Variants in RBM20 observed in about 807,000 individuals in gnomAD.
RBM20 encodes RNA binding motif protein 20.
In RBM20, 51 loss-of-function variants were observed where a neutral mutation model predicts 110.1. The observed-to-expected ratio is 0.46, with a 90% CI of 0.37 to 0.59. The LOEUF (loss-of-function observed/expected upper bound fraction) is 0.59. Ranked by LOEUF, RBM20 falls within the 20% of genes least tolerant of loss-of-function variation. The probability of loss-of-function intolerance (pLI) is 0.00; values close to 1 mark genes in which losing one functional copy is unlikely to be tolerated. For synonymous variants in RBM20, 589 were observed against 618.2 expected, an observed-to-expected ratio of 0.95 and a Z score of 0.70; for missense variants, 1,512 against 1,574.9, an observed-to-expected ratio of 0.96 and a Z score of 0.68.
At chr10:110,794,701 C>T (rs1438005004) in intron 5 of RBM20, among the ~76,000 whole-genome samples, 2 of 152,218 alleles carry the variant, frequency 1.3e-5, no homozygotes, top group Non-Finnish European at 2.9e-5. Flanking sequence ...AATCCAGCAT[C>T]TGTTTCTGAT....
intron 12 of RBM20, among the ~76,000 whole-genome samples, chr10:110,829,542 C>G (rs1312532780): frequency 3.9e-5 from 6 of 152,222 alleles, no homozygotes; most frequent in African/African-American, 1.4e-4. Context: ...AGGCAGGCCT[C>G]CTGGGCTCCC....
At chr10:110,679,975 C>A (rs1425730395) in intron 1 of RBM20, among the ~76,000 whole-genome samples, 2 of 152,180 alleles carry the variant, frequency 1.3e-5, no homozygotes, top group African/African-American at 4.8e-5. Flanking sequence ...CTGACACTGC[C>A]CCTTTTAACC....
chr10:110,750,397 G>T (rs544765212), intron 1 of RBM20, among the ~76,000 whole-genome samples: 1 of 152,246 alleles, frequency 6.6e-6, no homozygotes, highest in African/African-American at 2.4e-5. Flanking sequence ...AAACAAGAGG[G>T]TTGGACTGAT....
chr10:110,749,416 GA>G (rs1225807824), intron 1 of RBM20, among the ~76,000 whole-genome samples: 1 of 151,986 alleles, frequency 6.6e-6, no homozygotes, highest in Non-Finnish European at 1.5e-5. Flanking sequence ...AGGGTACCTA[GA>G]AAAAAATTAA....
At chr10:110,752,212 G>A (rs150987714) in intron 1 of RBM20, among the ~76,000 whole-genome samples, 448 of 152,150 alleles carry the variant, frequency 2.9e-3, no homozygotes, top group African/African-American at 0.011. Context: ...CCTTCTCCCC[G>A]CTAACCCCTG....
chr10:110,705,614 C>CA (rs1194244026), intron 1 of RBM20, among the ~76,000 whole-genome samples: 1 of 152,142 alleles, frequency 6.6e-6, no homozygotes, highest in Non-Finnish European at 1.5e-5. Context: ...AAGAGTTCTC[C>CA]AAATAAATTT....
At position 110,751,891 on chromosome 10, in the gene RBM20, GT is replaced by G. The variant is rs911868381; in HGVS notation, c.192-28902del. 1.7e-3 allele frequency among the ~76,000 whole-genome samples: 264 copies of G among 151,812 alleles called. 3 individuals are homozygous for G. Among genetic ancestry groups the G allele is most frequent in the Non-Finnish European group, 1.1e-3 (78 of 67,884 alleles). On this transcript the variant is annotated intron_variant, in intron 1 of 13. Coordinates refer to ENST00000369519, the MANE Select transcript of RBM20 (RefSeq NM_001134363.3). The stretch of plus-strand genomic sequence containing the variant: ...ACTTTTTTTTTCTTTCTGAAAGACT[GT>G]TTTTTTTAGAGCAGGTTCACAGCAA...
intron 1 of RBM20, among the ~76,000 whole-genome samples, chr10:110,661,531 A>T (rs1862101932): frequency 6.6e-6 from 1 of 152,208 alleles, no homozygotes; most frequent in South Asian, 2.1e-4. Flanking sequence ...ACATCCTCCC[A>T]ATACTATTCG....
chr10:110,786,268 G>A (rs1014631947), intron 5 of RBM20, among the ~76,000 whole-genome samples: 1 of 152,244 alleles, frequency 6.6e-6, no homozygotes, highest in Non-Finnish European at 1.5e-5. Flanking sequence ...CTTTTGTGGT[G>A]TGAGTTGCTG....
chr10:110,830,672 A>G (rs1845039663), intron 12 of RBM20, among the ~76,000 whole-genome samples: 1 of 152,234 alleles, frequency 6.6e-6, no homozygotes, highest in African/African-American at 2.4e-5. Flanking sequence ...CGGTCACAGC[A>G]GCTGCAGAGA....
At chr10:110,676,149 C>A (rs768735460) in intron 1 of RBM20, among the ~76,000 whole-genome samples, 3 of 152,158 alleles carry the variant, frequency 2.0e-5, no homozygotes, top group Non-Finnish European at 4.4e-5. Flanking sequence ...TTCCTTTTGT[C>A]TTCTAAAACC....
At chr10:110,665,061 G>C (rs926712998) in intron 1 of RBM20, among the ~76,000 whole-genome samples, 2 of 151,736 alleles carry the variant, frequency 1.3e-5, no homozygotes, top group African/African-American at 4.8e-5. Flanking sequence ...TTCTTTTGTA[G>C]AGATAGGCTC....
intron 1 of RBM20, among the ~76,000 whole-genome samples, chr10:110,706,920 C>T (rs1286760898): frequency 1.3e-5 from 2 of 152,040 alleles, no homozygotes; most frequent in Non-Finnish European, 2.9e-5. Context: ...GTATTCTCAT[C>T]GTGTATAAAA....
chr10:110,697,974 G>C (rs574591219), intron 1 of RBM20, among the ~76,000 whole-genome samples: 6 of 148,788 alleles, frequency 4.0e-5, no homozygotes, highest in African/African-American at 1.5e-4. Context: ...GTGGTGCGAT[G>C]TCGGCTCACT....
chr10:110,761,195 A>G (rs1843997446), intron 1 of RBM20: 1 of 152,136 alleles, frequency 6.6e-6, no homozygotes, highest in Non-Finnish European at 1.5e-5. Flanking sequence ...CTCAGAAGCT[A>G]AGCACGGTCA....
intron 1 of RBM20, among the ~76,000 whole-genome samples, chr10:110,700,931 C>G (rs1053646415): frequency 1.3e-5 from 2 of 152,122 alleles, no homozygotes; most frequent in Non-Finnish European, 2.9e-5. Context: ...GGGAGAATCG[C>G]TTGAACCCGG....
In RBM20 at chr10:110,799,776, T is replaced by C; in HGVS notation, c.1669-11T>C. On this transcript the variant is annotated splice_polypyrimidine_tract_variant and intron_variant, in intron 6 of 13. Transcript: ENST00000369519. The stretch of plus-strand genomic sequence containing the variant: ...GTCAAGTCCAGTGAGTGTCCTTCCT[T>C]TCTTTCTTAGGCCTTTTTAGAGATG... 1 of 1,549,228 alleles carries C rather than the reference T, an allele frequency of 6.5e-7. No homozygotes were observed. The highest frequency in any genetic ancestry group is 8.7e-7 in the Non-Finnish European group (1 of 1,145,818).
chr10:110,688,422 A>G (rs1186014257), intron 1 of RBM20, among the ~76,000 whole-genome samples: 1 of 152,180 alleles, frequency 6.6e-6, no homozygotes, highest in Non-Finnish European at 1.5e-5. Context: ...TTGTTTTTCA[A>G]AATAAAAAAG....
intron 1 of RBM20, among the ~76,000 whole-genome samples, chr10:110,672,680 T>G (rs1862280075): frequency 6.6e-6 from 1 of 152,214 alleles, no homozygotes; most frequent in Non-Finnish European, 1.5e-5. Flanking sequence ...TGAGATGGTC[T>G]TTTCTCCTGG....
Sources: allele counts gnomAD v4.1 joint callset (sites outside exome capture counted in the v4.1 genomes callset), GRCh38; gene constraint gnomAD v4.1.1; transcripts MANE v1.5; gene names NCBI Gene and HGNC (gene_info 2026-07-23, HGNC 2026-07-21).